Variants in DISC1 observed in about 807,000 individuals in gnomAD.
DISC1 encodes disrupted in schizophrenia 1 protein.
A neutral mutation model predicts 84.5 loss-of-function variants in DISC1; 57 were observed. The observed-to-expected ratio is 0.67, with a 90% CI of 0.55 to 0.84. The LOEUF is 0.84. Ranked by LOEUF, DISC1 falls within the 40% of genes least tolerant of loss-of-function variation. The pLI, the probability that DISC1 is intolerant of heterozygous loss-of-function variation, is 0.00. For synonymous variants in DISC1, 411 were observed against 415.2 expected, an observed-to-expected ratio of 0.99 and a Z score of 0.12; for missense variants, 1,000 against 1,057.8, an observed-to-expected ratio of 0.95 and a Z score of 0.76.
intron 11 of DISC1, among the ~76,000 whole-genome samples, chr1:232,011,743 G>C (rs993757551): frequency 3.9e-5 from 6 of 152,194 alleles, no homozygotes; most frequent in Admixed American, 6.5e-5. Context: ...ATCAGAAAGA[G>C]TGAATTTTAC....
intron 12 of DISC1, among the ~76,000 whole-genome samples, chr1:232,028,752 CTCCAAGAACA>C (rs1669717134): frequency 1.3e-5 from 2 of 152,182 alleles, no homozygotes; most frequent in Non-Finnish European, 2.9e-5. Context: ...TAGTCACAAG[CTCCAAGAACA>C]TCCCATTTAT....
intron 9 of DISC1, among the ~76,000 whole-genome samples, chr1:231,871,673 G>A (rs567026197): frequency 4.6e-5 from 7 of 152,274 alleles, no homozygotes; most frequent in South Asian, 4.1e-4. Flanking sequence ...CCTAAATCGC[G>A]GCCTCTCATG....
chr1:231,983,898 T>G (rs1664023684), intron 10 of DISC1, among the ~76,000 whole-genome samples: 1 of 152,206 alleles, frequency 6.6e-6, no homozygotes, highest in African/African-American at 2.4e-5. Flanking sequence ...TGGTTGTGGT[T>G]AGTGCTTGAC....
intron 1 of DISC1, among the ~76,000 whole-genome samples, chr1:231,673,976 G>A (rs574496141): frequency 6.6e-6 from 1 of 152,304 alleles, no homozygotes; most frequent in African/African-American, 2.4e-5. Flanking sequence ...TGCCCATTGT[G>A]TGCAGAATAG....
At position 231,897,421 on chromosome 1, in the gene DISC1, A is replaced by G. The variant is rs933462974; in HGVS notation, c.1982-61407A>G. ...CAGGTTGTTTTATCTTCCCCTGATGAATTGACCGGTCCAGAGAGCATTTCA... is the reference window on the plus strand; with the variant it reads ...CAGGTTGTTTTATCTTCCCCTGATGGATTGACCGGTCCAGAGAGCATTTCA... On this transcript the variant is annotated intron_variant, in intron 9 of 12. Coordinates refer to ENST00000439617, the MANE Select transcript of DISC1 (RefSeq NM_018662.3). This position sits in a 1 kb window ranked among gnomAD's most constrained non-coding sequence, Gnocchi z 4.5. 3.3e-5 allele frequency among the ~76,000 whole-genome samples: 5 copies of G among 152,164 alleles called. No homozygotes were observed. Among genetic ancestry groups the G allele is most frequent in the African/African-American group, 1.2e-4 (5 of 41,434 alleles).
intron 9 of DISC1, among the ~76,000 whole-genome samples, chr1:231,870,355 T>C (rs2085368541): frequency 6.6e-6 from 1 of 152,246 alleles, no homozygotes; most frequent in Admixed American, 6.5e-5. Context: ...TTAGATGAGC[T>C]AGGCAAAAGG....
intron 9 of DISC1, among the ~76,000 whole-genome samples, chr1:231,843,790 G>A (rs1293562572): frequency 1.3e-5 from 2 of 152,188 alleles, no homozygotes; most frequent in Non-Finnish European, 2.9e-5. Flanking sequence ...GGAAGAGATT[G>A]TATGTCTCCT....
At position 232,027,793 on chromosome 1, in the gene DISC1, CTGTGTGTGTG is replaced by C. The variant is rs35448234; in HGVS notation, c.2425+1269_2425+1278del. 4.1e-4 allele frequency among the ~76,000 whole-genome samples: 59 copies of C among 143,436 alleles called. 1 individual carries two copies. The highest frequency in any genetic ancestry group is 3.5e-3 in the Middle Eastern group (1 of 282). The allele number at this position is 143,436 out of a possible 152,430, so 94.1% of individuals were successfully genotyped here. ...TCCAGTTTTTACCATACTTTATGGG[CTGTGTGTGTG>C]TGTGTGTGTGTGTGTGTGTGTGTGT... is the stretch of plus-strand genomic sequence containing the variant. On this transcript the variant is annotated intron_variant, in intron 12 of 12. Transcript: ENST00000439617.
chr1:231,933,872 A>T (rs956667759), intron 9 of DISC1, among the ~76,000 whole-genome samples: 1 of 152,124 alleles, frequency 6.6e-6, no homozygotes, highest in African/African-American at 2.4e-5. Context: ...CACAAATCTG[A>T]GTCAGGGTGA....
intron 9 of DISC1, among the ~76,000 whole-genome samples, chr1:231,904,629 G>A (rs544528874): frequency 1.2e-4 from 18 of 152,228 alleles, no homozygotes; most frequent in Middle Eastern, 3.4e-3. Context: ...TCCCAGCTTT[G>A]CCCACTGAGA....
intron 9 of DISC1, among the ~76,000 whole-genome samples, chr1:231,883,388 T>G (rs1033542351): frequency 6.6e-6 from 1 of 151,826 alleles, no homozygotes; most frequent in East Asian, 1.9e-4. Flanking sequence ...GGTAGTGGTG[T>G]GGAGAGGGGC....
At chr1:231,851,391 G>C (rs116604006) in intron 9 of DISC1, among the ~76,000 whole-genome samples, 1 of 152,102 alleles carries the variant, frequency 6.6e-6, no homozygotes, top group Non-Finnish European at 1.5e-5. Context: ...GCATCCTCTC[G>C]CAGAGTTGGG....
intron 12 of DISC1, among the ~76,000 whole-genome samples, chr1:232,035,696 G>A (rs1295496943): frequency 1.3e-5 from 2 of 152,046 alleles, no homozygotes; most frequent in Admixed American, 1.3e-4. Context: ...TTTCTCCCTT[G>A]GTCCCTGTTG....
intron 9 of DISC1, among the ~76,000 whole-genome samples, chr1:231,913,428 G>A (rs915752541): frequency 2.6e-5 from 4 of 152,210 alleles, no homozygotes; most frequent in East Asian, 3.8e-4. Flanking sequence ...AGCCAAGGGC[G>A]TCTCCTGGAA....
chr1:231,787,623 G>A (rs1417691424), intron 6 of DISC1, among the ~76,000 whole-genome samples: 2 of 152,186 alleles, frequency 1.3e-5, no homozygotes, highest in Non-Finnish European at 2.9e-5. Flanking sequence ...TTAAGTTTCC[G>A]ACACGTGAAT....
At chr1:231,789,758 T>A (rs904544028) in intron 6 of DISC1, among the ~76,000 whole-genome samples, 7 of 152,134 alleles carry the variant, frequency 4.6e-5, no homozygotes, top group African/African-American at 1.4e-4. Context: ...TTAAATTCCA[T>A]TTGCCCTTCT....
intron 9 of DISC1, among the ~76,000 whole-genome samples, chr1:231,863,925 A>G (rs2084863047): frequency 6.6e-6 from 1 of 152,058 alleles, no homozygotes; most frequent in Non-Finnish European, 1.5e-5. Flanking sequence ...GGAGGAAATC[A>G]CTGTGTCGCC....
chr1:231,631,742 TA>T (rs1448406309), intron 1 of DISC1, among the ~76,000 whole-genome samples: 2 of 151,776 alleles, frequency 1.3e-5, no homozygotes, highest in Non-Finnish European at 2.9e-5. Context: ...GTCAAAAAAT[TA>T]AAAAAATTTA....
At chr1:231,779,543 A>G (rs1573750487) in intron 6 of DISC1, among the ~76,000 whole-genome samples, 2 of 108,928 alleles carry the variant, frequency 1.8e-5, no homozygotes, top group African/African-American at 3.6e-5. Flanking sequence ...TGGTCAACCT[A>G]TTCTTGTTTT....
Sources: allele counts gnomAD v4.1 joint callset (sites outside exome capture counted in the v4.1 genomes callset), GRCh38; gene constraint gnomAD v4.1.1; non-coding constraint Gnocchi (gnomAD v3.1); transcripts MANE v1.5; gene names NCBI Gene and HGNC (gene_info 2026-07-23, HGNC 2026-07-21).